SOX13: variants seen among roughly 807,000 people sequenced by gnomAD.
SOX13 encodes SRY-box transcription factor 13.
SOX13 carries 28 observed loss-of-function variants against 71.8 expected under a neutral mutation model. The observed-to-expected ratio is 0.39, with a 90% CI of 0.29 to 0.53. The LOEUF (loss-of-function observed/expected upper bound fraction) is 0.53, where lower values mean the gene tolerates loss of function less well. SOX13 is among the 20% of genes least tolerant of loss of function. The pLI is 0.70. For missense variants in SOX13, 627 were observed against 810.3 expected (o/e 0.77, Z 2.75); for synonymous variants, 309 against 317.8 (o/e 0.97, Z 0.29).
Position 204,122,336 on chromosome 1 carries a change from C to A in SOX13, c.961C>A (p.Arg321Ser). 1 of 1,562,242 alleles carries A rather than the reference C, an allele frequency of 6.4e-7. No individual in the cohort carries two copies. ...CCTGAAGATGAGCAGCTGTGTGCCC[C>A]GCCCCCCCAGCCATGGAGGCCCCAC... is the stretch of plus-strand genomic sequence containing the variant. Reference protein sequence around the residue: ...PSLKMSSCVPRPPSHGGPTRD... With the variant: ...PSLKMSSCVPSPPSHGGPTRD... The change falls in exon 9 of 14, where the codon CGC (arginine) becomes AGC (serine). Residue 321 changes from arginine (R) to serine (S), a missense_variant. Coordinates refer to ENST00000367204, the MANE Select transcript of SOX13 (RefSeq NM_005686.3).
Position 204,122,040 on chromosome 1 carries a change from C to T in SOX13, c.861+55C>T, listed in dbSNP as rs563752844. The T allele has an allele frequency of 6.7e-4, 896 of 1,338,702 alleles. 2 individuals carry two copies. The highest frequency in any genetic ancestry group is 9.0e-4 in the Non-Finnish European group (847 of 945,716). The allele number at this position is 1,338,702 out of a possible 1,614,324, so 82.9% of individuals were successfully genotyped here. ...TCCCTCTCGAGCTTATGACGGCCGG[C>T]TGCCGTGTTAGGGAACTGCGGGGTG... is the stretch of plus-strand genomic sequence containing the variant. On this transcript the variant is annotated intron_variant, in intron 8 of 13. Coordinates refer to ENST00000367204, the MANE Select transcript of SOX13 (RefSeq NM_005686.3).
chr1:204,118,047 G>T (rs1243311428), intron 7 of SOX13: 1 of 202,132 alleles, frequency 4.9e-6, no homozygotes, highest in African/African-American at 2.3e-5. Context: ...AGCACTTTGG[G>T]AGGCCGAAGT....
chr1:204,121,525 G>A (rs889607040), intron 7 of SOX13, among the ~76,000 whole-genome samples: 5 of 152,154 alleles, frequency 3.3e-5, no homozygotes, highest in Admixed American at 1.3e-4. Context: ...CATATGAGAC[G>A]TTCTACACAA....
intron 1 of SOX13, among the ~76,000 whole-genome samples, chr1:204,080,908 T>C (rs1238072841): frequency 7.4e-6 from 1 of 134,670 alleles, no homozygotes; most frequent in Admixed American, 7.2e-5. Flanking sequence ...TTTGTTGACT[T>C]TTTTTTTTTT....
chr1:204,099,533 C>T (rs905707482), intron 1 of SOX13, among the ~76,000 whole-genome samples: 9 of 150,842 alleles, frequency 6.0e-5, no homozygotes, highest in African/African-American at 2.2e-4. Context: ...TCAAGCCATC[C>T]TCCCGAGTAG....
intron 1 of SOX13, among the ~76,000 whole-genome samples, chr1:204,100,444 G>C (rs1279600487): frequency 2.0e-5 from 3 of 152,188 alleles, no homozygotes; most frequent in Non-Finnish European, 4.4e-5. Context: ...GGAAAGCGGG[G>C]TGCTGGGCAG....
chr1:204,123,149 G>T lies in SOX13; in HGVS notation c.1172G>T (p.Arg391Leu). Reference protein sequence around the residue: ...ISLDSSPAKERLEDGCVHPLE... With the variant: ...ISLDSSPAKELLEDGCVHPLE... ...CTGGACTCATCCCCAGCCAAGGAGC[G>T]GCTGGAGGACGGCTGTGTGCACCCA... Residue 391 changes from arginine (R) to leucine (L), a missense_variant, in exon 11 of 14, where the codon CGG (arginine) becomes CTG (leucine). This residue lies in a region of SOX13 where 447 missense variants were observed against 532.2 expected (regional missense o/e 0.84). Coordinates refer to ENST00000367204, the MANE Select transcript of SOX13 (RefSeq NM_005686.3). This position sits in a 1 kb window ranked among gnomAD's most constrained non-coding sequence, Gnocchi z 5.0. 6.2e-7 allele frequency: 1 copy of T among 1,613,734 alleles called. No individual in the cohort carries two copies.
chr1:204,104,787 G>A (rs1411480814), intron 1 of SOX13, among the ~76,000 whole-genome samples: 4 of 152,190 alleles, frequency 2.6e-5, no homozygotes, highest in East Asian at 1.9e-4. Context: ...TGAGTCACCC[G>A]TCATGCTACG....
At chr1:204,089,650 G>A (rs1558211822) in intron 1 of SOX13, among the ~76,000 whole-genome samples, 1 of 152,182 alleles carries the variant, frequency 6.6e-6, no homozygotes, top group African/African-American at 2.4e-5. Flanking sequence ...TTCACTTGGC[G>A]GCTGTGAGAT....
intron 1 of SOX13, among the ~76,000 whole-genome samples, chr1:204,093,273 T>A (rs1351112054): frequency 6.6e-6 from 1 of 152,166 alleles, no homozygotes; most frequent in Non-Finnish European, 1.5e-5. Context: ...CACACTGCCT[T>A]TTCTTCCCAC....
chr1:204,108,524 A>G lies in SOX13; in HGVS notation c.-1-4391A>G, dbSNP rs554025074. On this transcript the variant is annotated intron_variant, in intron 1 of 13. Transcript: ENST00000367204. The stretch of plus-strand genomic sequence containing the variant: ...ACTTTTGTGTCCTGTTCATCTGACC[A>G]TGCTCCTGGAGGCTGTGGCTGCTGC... Among the ~76,000 whole-genome samples, 3 of 152,336 alleles carry G rather than the reference A, an allele frequency of 2.0e-5. No homozygotes were observed. In the South Asian group the frequency reaches 6.2e-4, roughly 32 times the overall value.
intron 1 of SOX13, among the ~76,000 whole-genome samples, chr1:204,076,120 G>A (rs1655782052): frequency 6.6e-6 from 1 of 152,036 alleles, no homozygotes; most frequent in South Asian, 2.1e-4. Context: ...TTTTGTGAAA[G>A]CATTTCATTC....
At chr1:204,094,528 C>T (rs1245068668) in intron 1 of SOX13, among the ~76,000 whole-genome samples, 1 of 152,188 alleles carries the variant, frequency 6.6e-6, no homozygotes, top group African/African-American at 2.4e-5. Context: ...AAGGGAAGCA[C>T]TGCAGGGAGC....
chr1:204,076,237 G>A (rs553833928), intron 1 of SOX13, among the ~76,000 whole-genome samples: 124 of 152,266 alleles, frequency 8.1e-4, no homozygotes, highest in Middle Eastern at 3.4e-3. Context: ...TCCCTTGAGC[G>A]TCCTCAGCCT....
At chr1:204,112,323 T>C (rs1340645318) in intron 1 of SOX13, among the ~76,000 whole-genome samples, 2 of 151,800 alleles carry the variant, frequency 1.3e-5, no homozygotes, top group East Asian at 3.9e-4. Flanking sequence ...TGCCTGTAAT[T>C]CCAGCTACTC....
chr1:204,083,294 G>A (rs1655945971), intron 1 of SOX13, among the ~76,000 whole-genome samples: 1 of 152,144 alleles, frequency 6.6e-6, no homozygotes, highest in African/African-American at 2.4e-5. Context: ...CCTGATTCCT[G>A]AGTCAGGACT....
Position 204,127,620 on chromosome 1 carries a change from GAT to G in SOX13, c.*1488_*1489del, listed in dbSNP as rs1165122780. ...TTCTTTTTTTATGACTGTAAACATA[GAT>G]AGTGCTTTATTTTGTTAATAATAAG... On this transcript the variant is annotated 3_prime_UTR_variant, in exon 14 of 14. Coordinates refer to ENST00000367204, the MANE Select transcript of SOX13 (RefSeq NM_005686.3). 6.6e-6 allele frequency: 1 copy of G among 152,582 alleles called. No homozygotes were observed. The highest frequency in any genetic ancestry group is 1.5e-5 in the Non-Finnish European group (1 of 68,032). 9.5% of individuals were successfully genotyped at this position (152,582 alleles called of 1,614,324 possible). A position where few individuals can be genotyped will look rare whatever the true frequency, so the allele number is the denominator to read the frequency against.
chr1:204,080,982 G>A (rs1655894674), intron 1 of SOX13, among the ~76,000 whole-genome samples: 1 of 148,410 alleles, frequency 6.7e-6, no homozygotes, highest in African/African-American at 2.5e-5. Flanking sequence ...TGCCATCTCA[G>A]CTCACCGCAA....
chr1:204,078,670 C>A (rs1349919312), intron 1 of SOX13, among the ~76,000 whole-genome samples: 1 of 152,118 alleles, frequency 6.6e-6, no homozygotes, highest in African/African-American at 2.4e-5. Context: ...GGAACTAGAC[C>A]CATGGAGGAT....
Sources: allele counts gnomAD v4.1 joint callset (sites outside exome capture counted in the v4.1 genomes callset), GRCh38; gene constraint gnomAD v4.1.1; regional missense constraint gnomAD v4.1.1; non-coding constraint Gnocchi (gnomAD v3.1); transcripts MANE v1.5; gene names NCBI Gene and HGNC (gene_info 2026-07-23, HGNC 2026-07-21).